ANO2: variants seen among roughly 807,000 people sequenced by gnomAD.
The protein encoded by ANO2 is anoctamin-2.
In ANO2, 101 loss-of-function variants were observed where a neutral mutation model predicts 124.2. The observed-to-expected ratio is 0.81, with a 90% CI of 0.69 to 0.96. The LOEUF (loss-of-function observed/expected upper bound fraction) is 0.96. Ranked by LOEUF, ANO2 falls within the 40% of genes least tolerant of loss-of-function variation. ANO2 has a pLI of 0.00. For synonymous variants in ANO2, 486 were observed against 482.5 expected, an observed-to-expected ratio of 1.01 and a Z score of -0.09; for missense variants, 1,293 against 1,274.5, an observed-to-expected ratio of 1.01 and a Z score of -0.22.
chr12:5,713,968 C>T (rs1275188703), intron 14 of ANO2, among the ~76,000 whole-genome samples: 1 of 152,194 alleles, frequency 6.6e-6, no homozygotes, highest in Non-Finnish European at 1.5e-5. Flanking sequence ...AGAAAGGAGA[C>T]AGAAGGAGAG....
intron 10 of ANO2, among the ~76,000 whole-genome samples, chr12:5,789,352 GC>G (rs372691103): frequency 5.1e-4 from 77 of 152,330 alleles, no homozygotes; most frequent in African/African-American, 1.8e-3. Flanking sequence ...TCATACCATT[GC>G]CCTCATCCAG....
Position 5,912,818 on chromosome 12 carries a change from G to A in ANO2, c.534+8222C>T, listed in dbSNP as rs545283094. Among the ~76,000 whole-genome samples, 16 of 152,316 alleles carry A rather than the reference G, an allele frequency of 1.1e-4. No individual in the cohort carries two copies. In the South Asian group the frequency reaches 1.9e-3, roughly 18 times the overall value. On this transcript the variant is annotated intron_variant, in intron 3 of 24. Coordinates refer to ENST00000682330, the MANE Select transcript of ANO2 (RefSeq NM_001364791.2). ...CAGCCAAAGCCAGAGGGAAATCATC[G>A]CATCTTCCCCAGTCATTAGTGTGAG...
chr12:5,578,264 G>C, intron 21 of ANO2, 102 bp downstream of exon 21: 1 of 1,477,768 alleles, frequency 6.8e-7, no homozygotes, highest in Non-Finnish European at 9.2e-7. Flanking sequence ...GGGAAGAGGG[G>C]CTTTCCCAGC....
intron 16 of ANO2, among the ~76,000 whole-genome samples, chr12:5,632,434 T>C (rs757811871): frequency 2.5e-4 from 38 of 152,114 alleles, no homozygotes; most frequent in Admixed American, 3.9e-4. Flanking sequence ...TTACAAATTT[T>C]ATTTTAAGTT....
At chr12:5,740,827 C>T (rs1231854255) in intron 12 of ANO2, 1 of 152,236 alleles carries the variant, frequency 6.6e-6, no homozygotes, top group Non-Finnish European at 1.5e-5. Context: ...ATCTGAATCG[C>T]TCATCCTGCC....
At chr12:5,865,960 C>T (rs1291884579) in intron 3 of ANO2, among the ~76,000 whole-genome samples, 1 of 152,180 alleles carries the variant, frequency 6.6e-6, no homozygotes, top group African/African-American at 2.4e-5. Context: ...TGTCATCTCC[C>T]CTTTCACTCA....
intron 6 of ANO2, among the ~76,000 whole-genome samples, chr12:5,828,222 G>C (rs1389652422): frequency 6.6e-6 from 1 of 152,124 alleles, no homozygotes; most frequent in East Asian, 1.9e-4. Context: ...GGAACCTCAG[G>C]GAAGGCGGGG....
At chr12:5,697,399 T>C (rs1949226213) in intron 14 of ANO2, among the ~76,000 whole-genome samples, 1 of 151,794 alleles carries the variant, frequency 6.6e-6, no homozygotes, top group Admixed American at 6.6e-5. Context: ...ACCACTGCAC[T>C]CCAGCCTGGG....
At chr12:5,572,511 T>G (rs1038784378) in intron 23 of ANO2, among the ~76,000 whole-genome samples, 2 of 152,258 alleles carry the variant, frequency 1.3e-5, no homozygotes, top group African/African-American at 4.8e-5. Flanking sequence ...CTTAGCTCTC[T>G]GCTGTTGCCC....
intron 4 of ANO2, among the ~76,000 whole-genome samples, chr12:5,839,925 GCT>G (rs530456195): frequency 8.9e-4 from 136 of 152,032 alleles, no homozygotes; most frequent in African/African-American, 3.1e-3. Flanking sequence ...TTGATCCTTG[GCT>G]GGGCTCCATG....
intron 9 of ANO2, among the ~76,000 whole-genome samples, chr12:5,801,824 T>C: frequency 6.6e-6 from 1 of 152,188 alleles, no homozygotes; most frequent in Non-Finnish European, 1.5e-5. Context: ...ATCTTATTCT[T>C]ATTAGTACAT....
chr12:5,586,811 C>T (rs1402673950), intron 20 of ANO2, among the ~76,000 whole-genome samples: 1 of 152,200 alleles, frequency 6.6e-6, no homozygotes, highest in Non-Finnish European at 1.5e-5. Context: ...GTATTTGCTA[C>T]AAAGCATTAT....
chr12:5,779,090 T>C (rs1360140183), intron 10 of ANO2, among the ~76,000 whole-genome samples: 2 of 152,242 alleles, frequency 1.3e-5, no homozygotes, highest in Admixed American at 1.3e-4. Context: ...AAATGACCTC[T>C]GGAGAACCCT....
At chr12:5,659,129 G>C (rs2136970292) in intron 14 of ANO2, among the ~76,000 whole-genome samples, 1 of 152,092 alleles carries the variant, frequency 6.6e-6, no homozygotes, top group East Asian at 1.9e-4. Flanking sequence ...CTCTCTGCTG[G>C]GTGAGCTTTC....
intron 20 of ANO2, among the ~76,000 whole-genome samples, chr12:5,579,042 G>T (rs541660376): frequency 3.4e-4 from 52 of 152,350 alleles, no homozygotes; most frequent in Admixed American, 7.2e-4. Context: ...ACGGGCCACA[G>T]TTTGCCTTCC....
intron 3 of ANO2, among the ~76,000 whole-genome samples, chr12:5,913,618 C>A (rs1941188507): frequency 6.6e-6 from 1 of 152,188 alleles, no homozygotes; most frequent in African/African-American, 2.4e-5. Context: ...CCCAGAAGCT[C>A]CAAAGCTCAG....
chr12:5,595,670 A>ACATGTGT (rs1324750465), intron 20 of ANO2, among the ~76,000 whole-genome samples: 35 of 152,214 alleles, frequency 2.3e-4, no homozygotes, highest in Non-Finnish European at 1.5e-5. Context: ...ACCATAATTC[A>ACATGTGT]GTAAGATGCC....
intron 14 of ANO2, among the ~76,000 whole-genome samples, chr12:5,708,594 G>A (rs1267212081): frequency 6.6e-6 from 1 of 152,192 alleles, no homozygotes; most frequent in Non-Finnish European, 1.5e-5. Flanking sequence ...TTGGTGCCAA[G>A]CCAGGCTCTA....
intron 13 of ANO2, among the ~76,000 whole-genome samples, chr12:5,736,321 T>G (rs976468289): frequency 4.6e-5 from 7 of 152,152 alleles, no homozygotes; most frequent in Non-Finnish European, 1.0e-4. Flanking sequence ...ACCCACCTGC[T>G]GAAGGCACCC....
Sources: gnomAD v4.1 joint callset for allele counts (sites outside exome capture counted in the v4.1 genomes callset) on GRCh38, gnomAD v4.1.1 for gene constraint, MANE v1.5 for transcripts, NCBI Gene and HGNC (gene_info 2026-07-23, HGNC 2026-07-21) for gene names.